MOB3B: variants seen among roughly 807,000 people sequenced by gnomAD.
The protein encoded by MOB3B is MOB kinase activator-like 2B.
Under a neutral mutation model 18.7 loss-of-function variants are expected in MOB3B, and 7 were observed. The observed-to-expected ratio is 0.37, with a 90% CI of 0.21 to 0.70. The LOEUF (loss-of-function observed/expected upper bound fraction) is 0.70. MOB3B is among the 30% of genes least tolerant of loss of function. MOB3B has a pLI of 0.52. For synonymous variants in MOB3B, 111 were observed against 99.9 expected (o/e 1.11, Z -0.66); for missense variants, 253 against 281.3 (o/e 0.90, Z 0.72).
chr9:27,514,763 A>C (rs1339407449), intron 1 of MOB3B, among the ~76,000 whole-genome samples: 1 of 152,232 alleles, frequency 6.6e-6, no homozygotes, highest in Non-Finnish European at 1.5e-5. Context: ...TCTGTAGCTC[A>C]ACATGAGAAA....
chr9:27,360,098 TG>T (rs1158194434), intron 2 of MOB3B, among the ~76,000 whole-genome samples: 1 of 152,230 alleles, frequency 6.6e-6, no homozygotes, highest in Admixed American at 6.5e-5. Flanking sequence ...CTTAAATGGC[TG>T]GGAAGGTATT....
rs12376004 is a variant in MOB3B at position 27,357,127 on chromosome 9, T to C, written c.621+1907A>G. 2.1e-3 allele frequency among the ~76,000 whole-genome samples: 122 copies of C among 56,890 alleles called. 2 individuals are homozygous for C. The highest frequency in any genetic ancestry group is 3.8e-3 in the Non-Finnish European group (97 of 25,804). 37.3% of individuals were successfully genotyped at this position (56,890 alleles called of 152,430 possible). A position where few individuals can be genotyped will look rare whatever the true frequency, so the allele number is the denominator to read the frequency against. ...AGGACTACTGAGTAATGCAAATATATATATATATATATATATATGTGTTTT... is the reference window on the plus strand; with the variant it reads ...AGGACTACTGAGTAATGCAAATATACATATATATATATATATATGTGTTTT... On this transcript the variant is annotated intron_variant, in intron 3 of 3. Coordinates refer to ENST00000262244, the MANE Select transcript of MOB3B (RefSeq NM_024761.5).
intron 3 of MOB3B, among the ~76,000 whole-genome samples, chr9:27,352,527 G>A (rs181458964): frequency 9.2e-5 from 14 of 152,274 alleles, no homozygotes; most frequent in Non-Finnish European, 2.1e-4. Flanking sequence ...CCACGAAGGG[G>A]TGTCTGTCAT....
intron 1 of MOB3B, among the ~76,000 whole-genome samples, chr9:27,472,096 T>C (rs1203090473): frequency 6.6e-6 from 1 of 152,250 alleles, no homozygotes; most frequent in African/African-American, 2.4e-5. Flanking sequence ...TAGTTTCTAA[T>C]CCAACTTGCA....
Position 27,529,778 on chromosome 9 carries a change from G to T in MOB3B, c.-422C>A. The T allele has an allele frequency of 1.0e-6, 1 of 985,462 alleles. No homozygotes were observed. The highest frequency in any genetic ancestry group is 1.2e-6 in the Non-Finnish European group (1 of 829,976). 61.0% of individuals were successfully genotyped at this position (985,462 alleles called of 1,614,324 possible). ...CGTCGCTCCGGAGCAGCCCCCTCAT[G>T]CACCCAGCGCGCCGCGCAGCCGGCC... is the stretch of plus-strand genomic sequence containing the variant. On this transcript the variant is annotated 5_prime_UTR_variant, in exon 1 of 4. Transcript: ENST00000262244.
intron 3 of MOB3B, among the ~76,000 whole-genome samples, chr9:27,340,501 G>A (rs1464527108): frequency 2.6e-5 from 4 of 152,142 alleles, no homozygotes; most frequent in Admixed American, 6.5e-5. Context: ...ATAGTGCATC[G>A]TGAAAGCAAG....
At chr9:27,517,016 G>C (rs1433952643) in intron 1 of MOB3B, among the ~76,000 whole-genome samples, 1 of 152,094 alleles carries the variant, frequency 6.6e-6, no homozygotes, top group Non-Finnish European at 1.5e-5. Context: ...CATATACCTA[G>C]CTAGAAAACT....
At chr9:27,518,273 C>T (rs530717713) in intron 1 of MOB3B, among the ~76,000 whole-genome samples, 139 of 152,300 alleles carry the variant, frequency 9.1e-4, no homozygotes, top group African/African-American at 3.2e-3. Context: ...CCACTGCACG[C>T]TCATCATTTC....
intron 1 of MOB3B, among the ~76,000 whole-genome samples, chr9:27,459,022 T>A (rs918606531): frequency 6.8e-6 from 1 of 147,686 alleles, no homozygotes; most frequent in Non-Finnish European, 1.5e-5. Context: ...CCCCCCCCCA[T>A]GTTTAAAGAC....
At chr9:27,397,838 T>G (rs1035295497) in intron 2 of MOB3B, among the ~76,000 whole-genome samples, 3 of 152,224 alleles carry the variant, frequency 2.0e-5, no homozygotes, top group African/African-American at 7.2e-5. Context: ...AATCCACATT[T>G]GGGGCCAAAT....
intron 2 of MOB3B, among the ~76,000 whole-genome samples, chr9:27,365,674 C>T (rs1423616127): frequency 6.6e-6 from 1 of 152,166 alleles, no homozygotes; most frequent in Non-Finnish European, 1.5e-5. Flanking sequence ...GAGCTACCAC[C>T]AGTGGCTCTT....
At chr9:27,436,673 T>G (rs1259687149) in intron 2 of MOB3B, among the ~76,000 whole-genome samples, 1 of 152,202 alleles carries the variant, frequency 6.6e-6, no homozygotes. Flanking sequence ...TGCATTTTAT[T>G]TGACTTTTTA....
intron 2 of MOB3B, among the ~76,000 whole-genome samples, chr9:27,364,372 TGA>T (rs113482714): frequency 0.15 from 22,488 of 152,070 alleles, 2,617 homozygotes; most frequent in African/African-American, 0.32. Flanking sequence ...TCACTATTCT[TGA>T]GAGATCCTTG....
Position 27,455,650 on chromosome 9 carries a change from C to T in MOB3B, c.-100G>A. On this transcript the variant is annotated 5_prime_UTR_variant, in exon 2 of 4. The change creates a new upstream start codon in the 5' untranslated region. Coordinates refer to ENST00000262244, the MANE Select transcript of MOB3B (RefSeq NM_024761.5). ...CCAACAGTGTTTTCCACTGCCAGCA[C>T]TCAGGCCCCAGTCTTACAGCCTGTA... is the stretch of plus-strand genomic sequence containing the variant. 1 of 1,572,360 alleles carries T rather than the reference C, an allele frequency of 6.4e-7. No homozygotes were observed. Among genetic ancestry groups the T allele is most frequent in the Non-Finnish European group, 8.6e-7 (1 of 1,166,658 alleles).
intron 1 of MOB3B, among the ~76,000 whole-genome samples, chr9:27,470,130 A>G (rs1369647650): frequency 7.1e-6 from 1 of 141,818 alleles, no homozygotes; most frequent in Non-Finnish European, 1.5e-5. Context: ...AAAAAAAAAG[A>G]AAAGAAAACT....
intron 3 of MOB3B, among the ~76,000 whole-genome samples, chr9:27,341,802 T>C (rs1257554442): frequency 5.9e-5 from 9 of 152,216 alleles, no homozygotes; most frequent in Admixed American, 5.9e-4. Context: ...TGGTTGATAC[T>C]TGGCAGAGCG....
chr9:27,381,396 G>A (rs1821575629), intron 2 of MOB3B, among the ~76,000 whole-genome samples: 1 of 152,024 alleles, frequency 6.6e-6, no homozygotes, highest in Admixed American at 6.5e-5. Flanking sequence ...TGAGGCTGGA[G>A]TCCTGGGGCT....
rs533211836 is a variant in MOB3B at position 27,325,688 on chromosome 9, C to G, written c.*4899G>C. On this transcript the variant is annotated 3_prime_UTR_variant, in exon 4 of 4. Transcript: ENST00000262244. ...TCTTCAAGGTCCAAAATGATCAGAA[C>G]AAGAATGACAACAGTGTCAACCAAA... 1.8e-4 allele frequency: 27 copies of G among 151,830 alleles called. No individual in the cohort carries two copies. The highest frequency in any genetic ancestry group is 6.3e-4 in the African/African-American group (26 of 41,146). 9.4% of individuals were successfully genotyped at this position (151,830 alleles called of 1,614,324 possible). A position where few individuals can be genotyped will look rare whatever the true frequency, so the allele number is the denominator to read the frequency against.
intron 3 of MOB3B, among the ~76,000 whole-genome samples, chr9:27,342,601 G>C (rs896402733): frequency 6.6e-6 from 1 of 152,136 alleles, no homozygotes; most frequent in Non-Finnish European, 1.5e-5. Context: ...AGAGTGCCTG[G>C]GATTGCAGGC....
Sources: gnomAD v4.1 joint callset for allele counts (sites outside exome capture counted in the v4.1 genomes callset) on GRCh38, gnomAD v4.1.1 for gene constraint, MANE v1.5 for transcripts, NCBI Gene and HGNC (gene_info 2026-07-23, HGNC 2026-07-21) for gene names.